The following MYRFL variants were observed in gnomAD, a reference collection of about 807,000 sequenced individuals.
The protein encoded by MYRFL is myelin regulatory factor like, also known as myelin regulatory factor-like protein.
In MYRFL, 88 loss-of-function variants were observed where a neutral mutation model predicts 109.4. The ratio of observed to expected loss-of-function variants is 0.80; its 90% CI spans 0.68 to 0.96. MYRFL has a LOEUF of 0.96. Ranked by LOEUF, MYRFL falls within the 40% of genes least tolerant of loss-of-function variation. The pLI is 0.00. For synonymous variants in MYRFL, 324 were observed against 320.9 expected, an observed-to-expected ratio of 1.01 and a Z score of -0.10; for missense variants, 957 against 954.9, an observed-to-expected ratio of 1.00 and a Z score of -0.03.
Position 69,910,026 on chromosome 12 carries a change from T to C in MYRFL, c.1441T>C (p.Tyr481His), listed in dbSNP as rs530733837. The change falls in exon 12 of 25, where the codon TAC becomes CAC. Residue 481 changes from tyrosine (Y) to histidine (H), a missense_variant. By Grantham distance (83) the Tyr-to-His change is moderately conservative. Coordinates refer to ENST00000552032, the MANE Select transcript of MYRFL (RefSeq NM_182530.3). Reference protein sequence around the residue: ...IAQMRIVEYDYKPEFASAMGI... With the variant: ...IAQMRIVEYDHKPEFASAMGI... ...CCAAATGAGAATTGTTGAATATGAC[T>C]ACAAACCTGAATTTGCATCTGCAAT... 6.5e-7 allele frequency: 1 copy of C among 1,534,926 alleles called. No individual in the cohort carries two copies. Among genetic ancestry groups the C allele is most frequent in the Admixed American group, 2.0e-5 (1 of 50,722 alleles).
chr12:69,872,843 G>A (rs908198951), intron 2 of MYRFL, among the ~76,000 whole-genome samples: 5 of 151,846 alleles, frequency 3.3e-5, no homozygotes, highest in Admixed American at 2.0e-4. Context: ...TGTTGCTGAA[G>A]CTGGTCTTGA....
intron 5 of MYRFL, among the ~76,000 whole-genome samples, chr12:69,881,642 T>A (rs1886121697): frequency 6.6e-6 from 1 of 152,234 alleles, no homozygotes; most frequent in Non-Finnish European, 1.5e-5. Context: ...ACCCATCTCC[T>A]GGGAGTGCGG....
intron 11 of MYRFL, among the ~76,000 whole-genome samples, chr12:69,905,793 A>AT (rs2120370839): frequency 6.6e-6 from 1 of 152,268 alleles, no homozygotes; most frequent in South Asian, 2.1e-4. Flanking sequence ...CATTTTTGAG[A>AT]TATATATTTG....
intron 1 of MYRFL, among the ~76,000 whole-genome samples, chr12:69,837,244 T>C (rs1053017259): frequency 6.6e-6 from 1 of 152,136 alleles, no homozygotes; most frequent in African/African-American, 2.4e-5. Context: ...CCAATAAATA[T>C]AGTCAGTATT....
intron 8 of MYRFL, among the ~76,000 whole-genome samples, chr12:69,894,872 C>T (rs1253188192): frequency 6.6e-6 from 1 of 152,194 alleles, no homozygotes. Flanking sequence ...ACTAAATGTG[C>T]GTGGTGCATC....
intron 5 of MYRFL, 25 bp downstream of exon 5, chr12:69,880,317 G>A (rs1161839181): frequency 2.9e-6 from 2 of 700,798 alleles, no homozygotes; most frequent in South Asian, 1.5e-5. Flanking sequence ...GTGGGAACAA[G>A]GGCGATGCCA....
At chr12:69,865,779 A>C (rs1592723009) in intron 2 of MYRFL, among the ~76,000 whole-genome samples, 1 of 152,104 alleles carries the variant, frequency 6.6e-6, no homozygotes, top group South Asian at 2.1e-4. Flanking sequence ...CCCCCTTGCT[A>C]TTGAGATTCA....
intron 4 of MYRFL, among the ~76,000 whole-genome samples, 187 bp downstream of exon 4, chr12:69,879,640 C>T (rs370414320): frequency 9.6e-4 from 146 of 152,224 alleles, no homozygotes; most frequent in African/African-American, 3.5e-3. Flanking sequence ...TAAAAACCCT[C>T]CAAATCCAAG....
chr12:69,912,168 T>C (rs1024030509), intron 13 of MYRFL, among the ~76,000 whole-genome samples: 1 of 152,238 alleles, frequency 6.6e-6, no homozygotes, highest in Non-Finnish European at 1.5e-5. Flanking sequence ...ACTTACTGCC[T>C]CCTGCTTCCC....
intron 2 of MYRFL, among the ~76,000 whole-genome samples, chr12:69,876,024 T>A (rs1885642987): frequency 6.6e-6 from 1 of 152,236 alleles, no homozygotes. Context: ...GGTTGGGCTG[T>A]GCGCAGTCTG....
At chr12:69,868,480 G>T (rs948284879) in intron 2 of MYRFL, among the ~76,000 whole-genome samples, 2 of 152,080 alleles carry the variant, frequency 1.3e-5, no homozygotes, top group Admixed American at 6.5e-5. Context: ...AGTTGTGGAG[G>T]TTAAATGAGA....
At chr12:69,861,511 T>G (rs1012284491) in intron 2 of MYRFL, among the ~76,000 whole-genome samples, 2 of 149,146 alleles carry the variant, frequency 1.3e-5, no homozygotes, top group African/African-American at 5.2e-5. Context: ...ATGATGAGCA[T>G]TTTTTCATGT....
In MYRFL at chr12:69,884,817, G is replaced by A. The variant is rs544109096; in HGVS notation, c.557-2003G>A. ...ACCAGTGGTAGACACTGTGCTCTGC[G>A]TTTTACAGTCATGGCCTCATTGAAA... On this transcript the variant is annotated intron_variant, in intron 5 of 24. Coordinates refer to ENST00000552032, the MANE Select transcript of MYRFL (RefSeq NM_182530.3). 3.9e-5 allele frequency among the ~76,000 whole-genome samples: 6 copies of A among 152,192 alleles called. No homozygotes were observed. In the South Asian group the frequency reaches 6.2e-4, roughly 16 times the overall value.
chr12:69,853,134 G>A (rs180684049), intron 1 of MYRFL, among the ~76,000 whole-genome samples: 1 of 152,214 alleles, frequency 6.6e-6, no homozygotes, highest in Non-Finnish European at 1.5e-5. Context: ...GCTGGGCAGA[G>A]GGGCTCCTCA....
intron 13 of MYRFL, among the ~76,000 whole-genome samples, chr12:69,912,068 C>T (rs992688867): frequency 2.0e-5 from 3 of 152,164 alleles, no homozygotes; most frequent in Admixed American, 6.5e-5. Flanking sequence ...CCATCTTCCA[C>T]CTACCAGCCA....
intron 1 of MYRFL, among the ~76,000 whole-genome samples, chr12:69,836,346 G>A (rs193267515): frequency 2.0e-5 from 3 of 152,264 alleles, no homozygotes; most frequent in East Asian, 3.9e-4. Flanking sequence ...GGGTGGTCAT[G>A]GGAAATGCAG....
intron 13 of MYRFL, among the ~76,000 whole-genome samples, chr12:69,911,497 A>T (rs1156562774): frequency 6.6e-6 from 1 of 152,018 alleles, no homozygotes; most frequent in African/African-American, 2.4e-5. Flanking sequence ...GGGCCTGATC[A>T]TTTTTTTCCC....
chr12:69,921,173 A>G (rs1566026197), intron 13 of MYRFL, among the ~76,000 whole-genome samples: 1 of 152,156 alleles, frequency 6.6e-6, no homozygotes, highest in Non-Finnish European at 1.5e-5. Context: ...GACTTTTCAA[A>G]ATGCCCCTCA....
chr12:69,869,956 T>C (rs1279961922), intron 2 of MYRFL, among the ~76,000 whole-genome samples: 1 of 152,144 alleles, frequency 6.6e-6, no homozygotes, highest in Non-Finnish European at 1.5e-5. Context: ...CTCTTTTGGT[T>C]CACATAGATT....
Sources: gnomAD v4.1 joint callset for allele counts (sites outside exome capture counted in the v4.1 genomes callset) on GRCh38, gnomAD v4.1.1 for gene constraint, MANE v1.5 for transcripts, NCBI Gene and HGNC (gene_info 2026-07-23, HGNC 2026-07-21) for gene names.